DGKG: variants seen among roughly 807,000 people sequenced by gnomAD.
DGKG encodes the protein DAG kinase gamma.
Under a neutral mutation model 105.3 loss-of-function variants are expected in DGKG, and 78 were observed. The ratio of observed to expected loss-of-function variants is 0.74; its 90% CI spans 0.62 to 0.89. The LOEUF (loss-of-function observed/expected upper bound fraction) is 0.89. Ranked by LOEUF, DGKG falls within the 40% of genes least tolerant of loss-of-function variation. The pLI, the probability that DGKG is intolerant of heterozygous loss-of-function variation, is 0.00. For synonymous variants in DGKG, 346 were observed against 367.1 expected (o/e 0.94, Z 0.66); for missense variants, 958 against 1,020.1 (o/e 0.94, Z 0.83).
intron 20 of DGKG, among the ~76,000 whole-genome samples, chr3:186,234,722 G>A (rs1015258704): frequency 6.6e-6 from 1 of 152,202 alleles, no homozygotes; most frequent in Non-Finnish European, 1.5e-5. Flanking sequence ...GACGCCACAG[G>A]CTGCTGCTGT....
At position 186,358,506 on chromosome 3, in the gene DGKG, T is replaced by TTG. The variant is rs142522791; in HGVS notation, c.-249+3438_-249+3439dup. Among the ~76,000 whole-genome samples the TTG allele has an allele frequency of 6.2e-3, 933 of 150,044 alleles. 14 individuals are homozygous for TTG. Among genetic ancestry groups the TTG allele is most frequent in the African/African-American group, 0.02 (826 of 40,798 alleles). On this transcript the variant is annotated intron_variant, in intron 1 of 24. Transcript: ENST00000265022. ...GGCCAGTTTGTTTTCTTCTAACCCT[T>TTG]TGTGTGTGTGTGTGTGTGTTTTGTA...
intron 5 of DGKG, among the ~76,000 whole-genome samples, chr3:186,297,106 T>G (rs1439048689): frequency 1.7e-5 from 1 of 59,200 alleles, no homozygotes. Flanking sequence ...ACACACACAC[T>G]TCCCCTGAGA....
chr3:186,257,303 C>T (rs1291585807), intron 17 of DGKG, among the ~76,000 whole-genome samples: 1 of 152,248 alleles, frequency 6.6e-6, no homozygotes, highest in Non-Finnish European at 1.5e-5. Context: ...ACCCACAGAT[C>T]CAGGTAGAGC....
At chr3:186,298,364 G>C (rs2108614271) in intron 3 of DGKG, 135 bp from the exon 4 acceptor site, 2 of 804,694 alleles carry the variant, frequency 2.5e-6, no homozygotes, top group Admixed American at 3.1e-5. Context: ...GGAGCTGATG[G>C]GGACAGGAAT....
At chr3:186,242,713 C>T (rs1266330280) in intron 19 of DGKG, 145 bp from the exon 20 acceptor site, 16 of 616,184 alleles carry the variant, frequency 2.6e-5, no homozygotes, top group South Asian at 1.4e-4. Flanking sequence ...GTCACATCCG[C>T]GGAGCCAACA....
chr3:186,172,354 G>A (rs1560079833), intron 22 of DGKG, among the ~76,000 whole-genome samples: 1 of 152,200 alleles, frequency 6.6e-6, no homozygotes, highest in Non-Finnish European at 1.5e-5. Flanking sequence ...TCTTGGGGCT[G>A]CCATGGAGCA....
intron 1 of DGKG, among the ~76,000 whole-genome samples, chr3:186,333,855 C>T (rs1019012249): frequency 2.0e-5 from 3 of 151,966 alleles, no homozygotes; most frequent in African/African-American, 7.3e-5. Flanking sequence ...GTGGTATGTA[C>T]GTGTGTGTGT....
intron 20 of DGKG, among the ~76,000 whole-genome samples, chr3:186,219,714 A>G (rs1272203873): frequency 1.3e-5 from 2 of 152,182 alleles, no homozygotes; most frequent in East Asian, 3.8e-4. Context: ...GATGGAGAAC[A>G]GGAAAGGGGA....
chr3:186,197,642 C>T (rs1301536355), intron 21 of DGKG, among the ~76,000 whole-genome samples: 5 of 152,138 alleles, frequency 3.3e-5, no homozygotes, highest in South Asian at 2.1e-4. Flanking sequence ...AGTCAGACTA[C>T]GGTGAAGGCT....
At chr3:186,274,696 G>T (rs1722494917) in intron 10 of DGKG, among the ~76,000 whole-genome samples, 1 of 151,962 alleles carries the variant, frequency 6.6e-6, no homozygotes, top group African/African-American at 2.4e-5. Context: ...CTTCATCCAT[G>T]TCCCTACAAA....
intron 3 of DGKG, among the ~76,000 whole-genome samples, chr3:186,305,558 G>A (rs565176360): frequency 6.6e-6 from 1 of 152,234 alleles, no homozygotes; most frequent in South Asian, 2.1e-4. Flanking sequence ...GTAGAGCAGT[G>A]ACAAGCTCTG....
intron 21 of DGKG, among the ~76,000 whole-genome samples, chr3:186,199,308 C>T (rs1718334644): frequency 6.6e-6 from 1 of 152,136 alleles, no homozygotes; most frequent in Admixed American, 6.5e-5. Context: ...GCAACTCTTA[C>T]AGAACAGTGG....
At chr3:186,334,975 C>T (rs1314019788) in intron 1 of DGKG, among the ~76,000 whole-genome samples, 3 of 152,260 alleles carry the variant, frequency 2.0e-5, no homozygotes, top group South Asian at 4.1e-4. Context: ...TCATAAACCC[C>T]GGTTACAGAA....
chr3:186,253,513 T>A lies in DGKG; in HGVS notation c.1511-331A>T, dbSNP rs548351682. 7.2e-5 allele frequency among the ~76,000 whole-genome samples: 11 copies of A among 152,350 alleles called. 1 individual carries two copies. The highest frequency in any genetic ancestry group is 2.4e-4 in the African/African-American group (10 of 41,586). ...AAAACATTAAGTTGCATGTTTTTAATCCTTAATGATAATCAGCACTTACTC... is the reference window on the plus strand; with the variant it reads ...AAAACATTAAGTTGCATGTTTTTAAACCTTAATGATAATCAGCACTTACTC... On this transcript the variant is annotated intron_variant, in intron 17 of 24. Coordinates refer to ENST00000265022, the MANE Select transcript of DGKG (RefSeq NM_001346.3).
intron 20 of DGKG, among the ~76,000 whole-genome samples, chr3:186,222,509 T>C (rs757534092): frequency 2.6e-5 from 4 of 152,214 alleles, no homozygotes; most frequent in East Asian, 1.9e-4. Context: ...TGACACAATA[T>C]GACCTACCTT....
chr3:186,325,381 A>T (rs1340460231), intron 1 of DGKG, among the ~76,000 whole-genome samples: 1 of 152,126 alleles, frequency 6.6e-6, no homozygotes, highest in East Asian at 1.9e-4. Flanking sequence ...TTGCCCCTGT[A>T]CCCCCTGAAT....
chr3:186,177,269 A>G (rs559781748), intron 22 of DGKG, among the ~76,000 whole-genome samples: 19 of 152,346 alleles, frequency 1.2e-4, no homozygotes, highest in Middle Eastern at 3.4e-3. Context: ...CTCCATGAAC[A>G]GTCTCCATCT....
chr3:186,330,725 C>T (rs1265176161), intron 1 of DGKG, among the ~76,000 whole-genome samples: 3 of 152,194 alleles, frequency 2.0e-5, no homozygotes, highest in Non-Finnish European at 4.4e-5. Context: ...CCAGCCAGCA[C>T]CCAGTCATCT....
chr3:186,164,902 T>C lies in DGKG; in HGVS notation c.2212A>G (p.Ile738Val), dbSNP rs759106463. ...TTGGGTGACAAAGAGGCATACCTGATGGTGACAGAGGCGCACTGGGCCAGC... is the reference window on the plus strand; with the variant it reads ...TTGGGTGACAAAGAGGCATACCTGACGGTGACAGAGGCGCACTGGGCCAGC... Reference protein sequence around the residue: ...RRLAQCASVTIRTNKLLPMQV... With the variant: ...RRLAQCASVTVRTNKLLPMQV... The change falls in exon 23 of 25, where the codon ATC becomes GTC. Residue 738 changes from isoleucine (I) to valine (V), a missense_variant. By Grantham distance (29) the Ile-to-Val change is conservative. Coordinates refer to ENST00000265022, the MANE Select transcript of DGKG (RefSeq NM_001346.3). The C allele has an allele frequency of 1.2e-6, 2 of 1,612,194 alleles. No homozygotes were observed. Among genetic ancestry groups the C allele is most frequent in the South Asian group, 2.2e-5 (2 of 90,830 alleles).
Sources: gnomAD v4.1 joint callset for allele counts (sites outside exome capture counted in the v4.1 genomes callset) on GRCh38, gnomAD v4.1.1 for gene constraint, MANE v1.5 for transcripts, NCBI Gene and HGNC (gene_info 2026-07-23, HGNC 2026-07-21) for gene names.